MTFMT: variants seen among roughly 807,000 people sequenced by gnomAD.
The protein encoded by MTFMT is methionyl-tRNA formyltransferase, mitochondrial.
MTFMT carries 47 observed loss-of-function variants against 51.8 expected under a neutral mutation model. The observed-to-expected ratio is 0.91, with a 90% confidence interval of 0.72 to 1.16. The LOEUF (loss-of-function observed/expected upper bound fraction) is 1.16, where lower values mean the gene tolerates loss of function less well. Ranked by LOEUF, MTFMT falls within the 50% of genes most tolerant of loss-of-function variation. The pLI, the probability that MTFMT is intolerant of heterozygous loss-of-function variation, is 0.00. For missense variants in MTFMT, 512 were observed against 482.3 expected, an observed-to-expected ratio of 1.06 and a Z score of -0.58; for synonymous variants, 196 against 176.7, an observed-to-expected ratio of 1.11 and a Z score of -0.87.
Position 65,003,077 on chromosome 15 carries a change from T to C in MTFMT, c.1155A>G (p.Gln385=). ...TTCTTCCTAACTACTCAATGCATTG[T>C]TGCATAGCAACAGTTTTTTTCTGCT... ...KKKQKKTVAM[Q]QCIE is the part of the protein sequence containing the mutation. Residue 385 remains glutamine (Q), a synonymous_variant, in exon 9 of 9, where the codon CAA becomes CAG. Coordinates refer to ENST00000220058, the MANE Select transcript of MTFMT (RefSeq NM_139242.4). 1 of 1,600,094 alleles carries C rather than the reference T, an allele frequency of 6.2e-7. No individual in the cohort carries two copies. The highest frequency in any genetic ancestry group is 2.2e-5 in the East Asian group (1 of 44,700).
At position 65,003,079 on chromosome 15, in the gene MTFMT, G is replaced by A; in HGVS notation, c.1153C>T (p.Gln385Ter). 6.3e-7 allele frequency: 1 copy of A among 1,593,424 alleles called. No individual in the cohort carries two copies. The highest frequency in any genetic ancestry group is 8.6e-7 in the Non-Finnish European group (1 of 1,169,288). ...CTTCCTAACTACTCAATGCATTGTT[G>A]CATAGCAACAGTTTTTTTCTGCTTC... ...KKKQKKTVAM[Q>*]QCIE The change falls in exon 9 of 9, where the codon CAA (glutamine) becomes TAA (stop). Residue 385 changes from glutamine to a stop codon, truncating the protein, a stop_gained. Coordinates refer to ENST00000220058, the MANE Select transcript of MTFMT (RefSeq NM_139242.4). LOFTEE classifies it high-confidence loss of function.
Position 65,002,962 on chromosome 15 carries a change from C to CAGAA in MTFMT, c.*99_*100insTTCT. 1 of 321,598 alleles carries CAGAA rather than the reference C, an allele frequency of 3.1e-6. No individual in the cohort carries two copies. Among genetic ancestry groups the CAGAA allele is most frequent in the Non-Finnish European group, 4.4e-6 (1 of 225,296 alleles). 19.9% of individuals were successfully genotyped at this position (321,598 alleles called of 1,614,324 possible). A position where few individuals can be genotyped will look rare whatever the true frequency, so the allele number is the denominator to read the frequency against. ...TGGGTGACAGAGTGAGACTCTGTCTCAAAAAAAAAAAAAAAAAAAAAAGTC... is the reference window on the plus strand; with the variant it reads ...TGGGTGACAGAGTGAGACTCTGTCTCAGAAAAAAAAAAAAAAAAAAAAAAAAGTC... On this transcript the variant is annotated 3_prime_UTR_variant, in exon 9 of 9. Coordinates refer to ENST00000220058, the MANE Select transcript of MTFMT (RefSeq NM_139242.4).
intron 6 of MTFMT, chr15:65,015,849 CAA>C (rs1491228715): frequency 6.6e-6 from 1 of 151,914 alleles, no homozygotes; most frequent in Non-Finnish European, 1.5e-5. Flanking sequence ...AAAAATAAAA[CAA>C]CACACACACA....
chr15:65,021,486 A>G (rs1401464402), intron 4 of MTFMT, 28 bp downstream of exon 4: 2 of 1,531,356 alleles, frequency 1.3e-6, no homozygotes, highest in Admixed American at 1.7e-5. Context: ...AAATGAGTAA[A>G]AAGCAGTAGG....
intron 6 of MTFMT, among the ~76,000 whole-genome samples, chr15:65,014,186 G>A (rs796628252): frequency 3.9e-5 from 6 of 152,182 alleles, no homozygotes; most frequent in African/African-American, 1.4e-4. Context: ...AGGCATGGCT[G>A]GCTCCTTATT....
At chr15:65,017,754 C>T (rs999174106) in intron 5 of MTFMT, among the ~76,000 whole-genome samples, 15 of 151,750 alleles carry the variant, frequency 9.9e-5, no homozygotes, top group African/African-American at 2.9e-4. Context: ...GCCATGATCA[C>T]ACTATTGCAC....
rs545830732 is a variant in MTFMT, at chr15:65,025,215, C to T, written c.420-1421G>A. Among the ~76,000 whole-genome samples the T allele has an allele frequency of 7.5e-5, 10 of 132,746 alleles. No homozygotes were observed. The South Asian group carries it at 2.1e-3, about 28-fold the overall frequency. 87.1% of individuals were successfully genotyped at this position (132,746 alleles called of 152,430 possible). A position where few individuals can be genotyped will look rare whatever the true frequency, so the allele number is the denominator to read the frequency against. ...TTTGGGACCAGGTTGGGCCACATAG[C>T]GAGATCCCTGTCTCTAAAAAAAAAA... On this transcript the variant is annotated intron_variant, in intron 2 of 8. Transcript: ENST00000220058.
chr15:65,024,858 GAAA>G (rs1464271365), intron 2 of MTFMT, among the ~76,000 whole-genome samples: 1 of 152,212 alleles, frequency 6.6e-6, no homozygotes, highest in Admixed American at 6.5e-5. Context: ...AGTGATCAGA[GAAA>G]GCTTTACCAA....
At chr15:65,025,412 GAAATAAAT>G (rs3057964) in intron 2 of MTFMT, among the ~76,000 whole-genome samples, 6 of 148,754 alleles carry the variant, frequency 4.0e-5, no homozygotes, top group East Asian at 4.0e-4. Flanking sequence ...CAATAAAATA[GAAATAAAT>G]AAATAAATAA....
chr15:65,009,862 C>T (rs996842422), intron 6 of MTFMT, among the ~76,000 whole-genome samples: 1 of 152,062 alleles, frequency 6.6e-6, no homozygotes, highest in African/African-American at 2.4e-5. Flanking sequence ...CCATGTTGCC[C>T]AGACTGGTCT....
chr15:65,022,568 A>AT (rs1013982990), intron 3 of MTFMT, among the ~76,000 whole-genome samples: 3 of 150,794 alleles, frequency 2.0e-5, no homozygotes, highest in East Asian at 1.9e-4. Flanking sequence ...GCTTTATTTA[A>AT]TTTTTTTTTG....
intron 3 of MTFMT, 93 bp from the exon 4 acceptor site, chr15:65,021,709 G>GGTCT: frequency 1.0e-6 from 1 of 974,612 alleles, no homozygotes; most frequent in Non-Finnish European, 1.5e-6. Flanking sequence ...TGGGTACAGT[G>GGTCT]GTCTGCATGC....
intron 6 of MTFMT, among the ~76,000 whole-genome samples, chr15:65,014,831 T>G (rs1447076837): frequency 7.2e-6 from 1 of 137,936 alleles, no homozygotes; most frequent in East Asian, 2.2e-4. Flanking sequence ...AGGGTTTCAC[T>G]ATGTTGGCCA....
intron 6 of MTFMT, among the ~76,000 whole-genome samples, chr15:65,007,886 T>G (rs2086231999): frequency 6.6e-6 from 1 of 152,168 alleles, no homozygotes; most frequent in Non-Finnish European, 1.5e-5. Context: ...TTTGTTGACT[T>G]TTAATCTTGG....
At chr15:65,020,624 T>C (rs1008056559) in intron 4 of MTFMT, among the ~76,000 whole-genome samples, 1 of 152,134 alleles carries the variant, frequency 6.6e-6, no homozygotes, top group African/African-American at 2.4e-5. Flanking sequence ...ATACACACTC[T>C]CACCCCATGG....
chr15:65,028,689 T>TA (rs1249699061), intron 1 of MTFMT, among the ~76,000 whole-genome samples: 1 of 151,638 alleles, frequency 6.6e-6, no homozygotes, highest in Admixed American at 6.6e-5. Context: ...AATGGGGAAA[T>TA]AAAAAACATT....
At chr15:65,006,540 C>T (rs2086221202) in intron 6 of MTFMT, among the ~76,000 whole-genome samples, 1 of 152,042 alleles carries the variant, frequency 6.6e-6, no homozygotes, top group Non-Finnish European at 1.5e-5. Flanking sequence ...CCATGCCCGG[C>T]TAATTTTTTG....
chr15:65,023,585 A>G, intron 3 of MTFMT, 87 bp downstream of exon 3: 1 of 1,303,722 alleles, frequency 7.7e-7, no homozygotes. Context: ...ATTAGTGAGC[A>G]CCACCCATTC....
chr15:65,006,481 A>ATTCT (rs910661326), intron 6 of MTFMT, among the ~76,000 whole-genome samples: 1 of 148,854 alleles, frequency 6.7e-6, no homozygotes, highest in Admixed American at 6.8e-5. Context: ...GGTTCACGCC[A>ATTCT]TTCTCCTGCT....
Sources: allele counts gnomAD v4.1 joint callset (sites outside exome capture counted in the v4.1 genomes callset), GRCh38; gene constraint gnomAD v4.1.1; transcripts MANE v1.5; gene names NCBI Gene and HGNC (gene_info 2026-07-23, HGNC 2026-07-21).